The following NRG1 variants were observed in gnomAD, a reference collection of about 807,000 sequenced individuals.
NRG1 encodes pro-neuregulin-1, membrane-bound isoform.
A neutral mutation model predicts 63.8 loss-of-function variants in NRG1; 18 were observed. The observed-to-expected ratio is 0.28, with a 90% CI of 0.19 to 0.42. The LOEUF is 0.42. NRG1 is among the 10% of genes least tolerant of loss of function. The pLI, the probability that NRG1 is intolerant of heterozygous loss-of-function variation, is 1.00. For synonymous variants in NRG1, 302 were observed against 301.3 expected, an observed-to-expected ratio of 1.00 and a Z score of -0.02; for missense variants, 762 against 814.7, an observed-to-expected ratio of 0.94 and a Z score of 0.79.
At chr8:32,702,765 A>C (rs1815291580) in intron 5 of NRG1, among the ~76,000 whole-genome samples, 1 of 152,184 alleles carries the variant, frequency 6.6e-6, no homozygotes, top group African/African-American at 2.4e-5. Context: ...TACAGGTGTG[A>C]GCCACCATGC....
intron 1 of NRG1, among the ~76,000 whole-genome samples, chr8:32,031,896 A>G (rs977743763): frequency 5.3e-5 from 8 of 152,100 alleles, no homozygotes; most frequent in African/African-American, 1.7e-4. Flanking sequence ...TGTCTTTGCT[A>G]TCGTGACTAG....
At chr8:32,089,752 G>C (rs1051642348) in intron 1 of NRG1, among the ~76,000 whole-genome samples, 6 of 152,152 alleles carry the variant, frequency 3.9e-5, no homozygotes, top group Non-Finnish European at 2.9e-5. Flanking sequence ...ATTGGTTATA[G>C]GTGGGAGGAG....
intron 1 of NRG1, among the ~76,000 whole-genome samples, chr8:31,823,214 G>A (rs1023913085): frequency 1.1e-4 from 17 of 148,694 alleles, no homozygotes; most frequent in Non-Finnish European, 2.5e-4. Flanking sequence ...TATTGGCAGG[G>A]TATCTTTTGA....
chr8:32,565,254 T>C (rs946456899), intron 1 of NRG1, among the ~76,000 whole-genome samples: 16 of 152,168 alleles, frequency 1.1e-4, no homozygotes, highest in African/African-American at 3.6e-4. Context: ...CTCTTAAAAA[T>C]TTCCTGTATC....
At chr8:32,522,535 T>C (rs1830436271) in intron 1 of NRG1, among the ~76,000 whole-genome samples, 1 of 152,200 alleles carries the variant, frequency 6.6e-6, no homozygotes, top group Non-Finnish European at 1.5e-5. Flanking sequence ...GTATCCTAGT[T>C]CATGCTTTTG....
chr8:32,192,783 A>T (rs904761489), intron 1 of NRG1, among the ~76,000 whole-genome samples: 2 of 152,198 alleles, frequency 1.3e-5, no homozygotes, highest in Non-Finnish European at 2.9e-5. Context: ...ATAGATTTTT[A>T]AAAGGCATCT....
At chr8:31,839,589 C>A (rs1826001944) in intron 1 of NRG1, among the ~76,000 whole-genome samples, 1 of 152,104 alleles carries the variant, frequency 6.6e-6, no homozygotes, top group South Asian at 2.1e-4. Flanking sequence ...AAACCTTTCC[C>A]CTTCTCATAT....
chr8:32,555,944 G>A (rs36213869), intron 1 of NRG1, among the ~76,000 whole-genome samples: 3,247 of 152,238 alleles, frequency 0.021, 44 homozygotes, highest in Middle Eastern at 0.048. Context: ...GAAATCTGTC[G>A]TTGATGGGAA....
rs1819228510 is a variant in NRG1, at chr8:31,777,150, A to C, written c.37+137719A>C. ...TCCTGCCAAGTGAATGCAGTACTTA[A>C]AGATTTGACTACTGGATGTCTGGTC... is the stretch of plus-strand genomic sequence containing the variant. On this transcript the variant is annotated intron_variant, in intron 1 of 10. Coordinates refer to the NRG1 transcript ENST00000519301. 1.3e-5 allele frequency among the ~76,000 whole-genome samples: 2 copies of C among 152,220 alleles called. 1 individual carries two copies. Among genetic ancestry groups the C allele is most frequent in the South Asian group, 4.1e-4 (2 of 4,828 alleles).
At chr8:31,893,087 G>A (rs1005499692) in intron 1 of NRG1, among the ~76,000 whole-genome samples, 12 of 151,264 alleles carry the variant, frequency 7.9e-5, no homozygotes, top group African/African-American at 2.4e-4. Context: ...CCTCTTCTAC[G>A]TATGAGAGTG....
chr8:31,915,650 C>T (rs1347109721), intron 1 of NRG1, among the ~76,000 whole-genome samples: 1 of 152,072 alleles, frequency 6.6e-6, no homozygotes, highest in Non-Finnish European at 1.5e-5. Context: ...CAGAATTCAT[C>T]TCTATAAATA....
chr8:32,523,193 C>T (rs1830503504), intron 1 of NRG1, among the ~76,000 whole-genome samples: 1 of 152,138 alleles, frequency 6.6e-6, no homozygotes, highest in African/African-American at 2.4e-5. Context: ...CTCCTTAGGA[C>T]ATCCCTTTCC....
chr8:32,208,790 C>A (rs1844347584), intron 1 of NRG1, among the ~76,000 whole-genome samples: 1 of 152,030 alleles, frequency 6.6e-6, no homozygotes, highest in Admixed American at 6.6e-5. Flanking sequence ...AAAGTTTGTG[C>A]AATTTTGACT....
chr8:32,294,473 C>G (rs1383731601), intron 1 of NRG1, among the ~76,000 whole-genome samples: 3 of 152,162 alleles, frequency 2.0e-5, no homozygotes, highest in Admixed American at 6.5e-5. Flanking sequence ...CTACCTTGTC[C>G]ATTACTGTTT....
intron 1 of NRG1, among the ~76,000 whole-genome samples, chr8:31,968,031 C>T (rs1470707407): frequency 6.6e-6 from 1 of 152,186 alleles, no homozygotes; most frequent in African/African-American, 2.4e-5. Context: ...CTCAGTTCTT[C>T]ATATTGCCTT....
At chr8:32,566,537 A>C (rs1209706758) in intron 1 of NRG1, among the ~76,000 whole-genome samples, 1 of 152,128 alleles carries the variant, frequency 6.6e-6, no homozygotes, top group Non-Finnish European at 1.5e-5. Flanking sequence ...GAGCAAATGC[A>C]CTTGAAGAAA....
At chr8:31,868,133 A>G (rs1236475278) in intron 1 of NRG1, among the ~76,000 whole-genome samples, 119 of 143,288 alleles carry the variant, frequency 8.3e-4, no homozygotes, top group Non-Finnish European at 1.7e-3. Context: ...ACACACACAC[A>G]CACACATACA....
At chr8:31,897,692 A>G (rs545695194) in intron 1 of NRG1, among the ~76,000 whole-genome samples, 38 of 152,262 alleles carry the variant, frequency 2.5e-4, no homozygotes, top group South Asian at 1.2e-3. Context: ...TCTTTAGACT[A>G]TAACTTGACT....
chr8:32,283,487 T>C (rs1010359941), intron 1 of NRG1, among the ~76,000 whole-genome samples: 1 of 152,162 alleles, frequency 6.6e-6, no homozygotes, highest in African/African-American at 2.4e-5. Context: ...GTAGGAGTTA[T>C]CCCAAAGTTA....
Sources: allele counts gnomAD v4.1 joint callset (sites outside exome capture counted in the v4.1 genomes callset), GRCh38; gene constraint gnomAD v4.1.1; transcripts MANE v1.5; gene names NCBI Gene and HGNC (gene_info 2026-07-23, HGNC 2026-07-21).